The following DPY19L3 variants were observed in gnomAD, a reference collection of about 807,000 sequenced individuals.
The protein encoded by DPY19L3 is dpy-19 like C-mannosyltransferase 3, also known as protein C-mannosyl-transferase DPY19L3.
A neutral mutation model predicts 92.3 loss-of-function variants in DPY19L3; 51 were observed. The ratio of observed to expected loss-of-function variants is 0.55; its 90% confidence interval spans 0.44 to 0.70. The LOEUF (loss-of-function observed/expected upper bound fraction) is 0.70, where lower values mean the gene tolerates loss of function less well. Ranked by LOEUF, DPY19L3 falls within the 30% of genes least tolerant of loss-of-function variation. The pLI is 0.00. For missense variants in DPY19L3, 706 were observed against 855.9 expected (o/e 0.82, Z 2.18); for synonymous variants, 309 against 315.2 (o/e 0.98, Z 0.21).
chr19:32,443,929 G>A (rs188370047), intron 8 of DPY19L3, among the ~76,000 whole-genome samples: 1 of 151,802 alleles, frequency 6.6e-6, no homozygotes, highest in African/African-American at 2.4e-5. Flanking sequence ...GGTGGCATGT[G>A]CCTGTAATCA....
chr19:32,466,403 A>T (rs1281064032), intron 15 of DPY19L3, among the ~76,000 whole-genome samples: 1 of 152,182 alleles, frequency 6.6e-6, no homozygotes, highest in East Asian at 1.9e-4. Flanking sequence ...TAGCGGTCAC[A>T]GGGTTTCTCA....
At chr19:32,430,786 G>A (rs1968936957) in intron 3 of DPY19L3, among the ~76,000 whole-genome samples, 1 of 126,194 alleles carries the variant, frequency 7.9e-6, no homozygotes, top group Non-Finnish European at 1.7e-5. Context: ...CACTATGCCT[G>A]GCTACTTTTT....
At chr19:32,455,743 T>G (rs1969843183) in intron 10 of DPY19L3, among the ~76,000 whole-genome samples, 1 of 152,232 alleles carries the variant, frequency 6.6e-6, no homozygotes, top group South Asian at 2.1e-4. Context: ...TTATGTCCAG[T>G]AGGTGCTTTG....
At chr19:32,460,006 C>T (rs1366545159) in intron 12 of DPY19L3, among the ~76,000 whole-genome samples, 1 of 152,166 alleles carries the variant, frequency 6.6e-6, no homozygotes, top group Non-Finnish European at 1.5e-5. Context: ...CCTACTGCAT[C>T]TAGGCTGCAA....
intron 14 of DPY19L3, among the ~76,000 whole-genome samples, chr19:32,464,356 G>A (rs1970137193): frequency 6.6e-6 from 1 of 152,078 alleles, no homozygotes; most frequent in Non-Finnish European, 1.5e-5. Context: ...TATAAATGCA[G>A]TTTTGAATTG....
At chr19:32,470,010 G>A (rs149903148) in intron 16 of DPY19L3, among the ~76,000 whole-genome samples, 214 of 152,312 alleles carry the variant, frequency 1.4e-3, no homozygotes, top group African/African-American at 4.6e-3. Flanking sequence ...TCAGCCCTGC[G>A]TGTCTGCAGA....
In DPY19L3 at chr19:32,484,257, T is replaced by C. The variant is rs1016502534; in HGVS notation, c.*2017T>C. On this transcript the variant is annotated 3_prime_UTR_variant, in exon 19 of 19. Transcript: ENST00000392250. ...CACTCTTTCCAAGACACTGTGACCA[T>C]GTACAGTAGCTATTTCCTGATGACC... The C allele has an allele frequency of 6.6e-6, 1 of 152,584 alleles. No individual in the cohort carries two copies. The highest frequency in any genetic ancestry group is 2.4e-5 in the African/African-American group (1 of 41,426). The allele number at this position is 152,584 out of a possible 1,614,324, so 9.5% of individuals were successfully genotyped here.
chr19:32,469,738 G>T (rs961131609), intron 16 of DPY19L3, among the ~76,000 whole-genome samples: 1 of 151,966 alleles, frequency 6.6e-6, no homozygotes, highest in South Asian at 2.1e-4. Context: ...TTGTTGTTTT[G>T]CCTCAGCATT....
At chr19:32,439,352 T>G (rs1969251715) in intron 7 of DPY19L3, 117 bp downstream of exon 7, 1 of 1,078,472 alleles carries the variant, frequency 9.3e-7, no homozygotes, top group African/African-American at 1.6e-5. Context: ...CCATGACCAA[T>G]TTTTAAACTT....
At chr19:32,474,871 G>A (rs988671896) in intron 16 of DPY19L3, among the ~76,000 whole-genome samples, 2 of 152,152 alleles carry the variant, frequency 1.3e-5, no homozygotes, top group African/African-American at 4.8e-5. Flanking sequence ...TTACAGACAT[G>A]AGCCACCACA....
At position 32,458,436 on chromosome 19, in the gene DPY19L3, C is replaced by T. The variant is rs772819002; in HGVS notation, c.1249C>T (p.Leu417Phe). 1.1e-5 allele frequency: 18 copies of T among 1,613,716 alleles called. No individual in the cohort carries two copies. The highest frequency in any genetic ancestry group is 1.3e-5 in the Non-Finnish European group (15 of 1,179,980). Residue 417 changes from leucine to phenylalanine, a missense_variant, in exon 12 of 19, where the codon CTT becomes TTT. By Grantham distance (22) the Leu-to-Phe change is conservative. Coordinates refer to ENST00000392250, the MANE Select transcript of DPY19L3 (RefSeq NM_001172774.2). ...NTFGRLSDTL[L>F]FYAYIFVLSI... ...ATTTGGAAGGCTTTCAGATACTCTG[C>T]TTTTTTATGCTTACATATTCGTTCT... is the stretch of plus-strand genomic sequence containing the variant.
At chr19:32,439,037 C>T in intron 6 of DPY19L3, 75 bp from the exon 7 acceptor site, 1 of 1,508,134 alleles carries the variant, frequency 6.6e-7, no homozygotes, top group Non-Finnish European at 9.0e-7. Context: ...TGTAATATAT[C>T]TTTCGTTGAG....
chr19:32,474,076 T>C (rs187958020), intron 16 of DPY19L3, among the ~76,000 whole-genome samples: 2 of 152,316 alleles, frequency 1.3e-5, no homozygotes, highest in South Asian at 2.1e-4. Flanking sequence ...GTGTTGAGAT[T>C]ACAGGCGTGA....
At chr19:32,475,686 A>G (rs148106232) in intron 16 of DPY19L3, among the ~76,000 whole-genome samples, 28 of 152,396 alleles carry the variant, frequency 1.8e-4, no homozygotes, top group South Asian at 6.2e-4. Flanking sequence ...GAATTTCAGT[A>G]AAACCTTTCA....
rs11084652 is a variant in DPY19L3, at chr19:32,478,833, C to T, written c.1830+1179C>T. Among the ~76,000 whole-genome samples, 4 of 152,326 alleles carry T rather than the reference C, an allele frequency of 2.6e-5. No homozygotes were observed. The East Asian group carries it at 7.7e-4, about 29-fold the overall frequency. ...GTCTTTTGTGATTATATGAACAATG[C>T]TGCAGATAAACTTGTCTGCACATCA... On this transcript the variant is annotated intron_variant, in intron 17 of 18. Transcript: ENST00000392250.
chr19:32,470,085 T>C (rs1440838411), intron 16 of DPY19L3, among the ~76,000 whole-genome samples: 2 of 152,240 alleles, frequency 1.3e-5, no homozygotes, highest in Non-Finnish European at 2.9e-5. Context: ...GAGATTTGTC[T>C]AAAACATACA....
At chr19:32,469,378 C>T (rs1339326346) in intron 16 of DPY19L3, among the ~76,000 whole-genome samples, 2 of 151,758 alleles carry the variant, frequency 1.3e-5, no homozygotes, top group Non-Finnish European at 2.9e-5. Flanking sequence ...GCAGGTGCCT[C>T]CTAGCTACTC....
chr19:32,424,177 G>T (rs1283279154), intron 3 of DPY19L3, among the ~76,000 whole-genome samples: 1 of 151,868 alleles, frequency 6.6e-6, no homozygotes, highest in Non-Finnish European at 1.5e-5. Context: ...AAAATTAGCT[G>T]GGTGTGGTAG....
At chr19:32,433,381 G>T (rs1399911017) in intron 4 of DPY19L3, among the ~76,000 whole-genome samples, 3 of 152,142 alleles carry the variant, frequency 2.0e-5, no homozygotes, top group African/African-American at 7.2e-5. Context: ...TTTGGAGTCA[G>T]CTTTGACATT....
Sources: gnomAD v4.1 joint callset for allele counts (sites outside exome capture counted in the v4.1 genomes callset) on GRCh38, gnomAD v4.1.1 for gene constraint, MANE v1.5 for transcripts, NCBI Gene and HGNC (gene_info 2026-07-23, HGNC 2026-07-21) for gene names.